Variants in TEAD1 observed in about 807,000 individuals in gnomAD.
TEAD1 encodes TEA domain transcription factor 1, also known as transcriptional enhancer factor TEF-1.
In TEAD1, 9 loss-of-function variants were observed where a neutral mutation model predicts 54.9. The observed-to-expected ratio is 0.16, with a 90% CI of 0.10 to 0.29. The LOEUF (loss-of-function observed/expected upper bound fraction) is 0.29. Among genes scored for constraint, TEAD1 ranks in the 10% least tolerant of loss-of-function variants. The pLI is 1.00. For missense variants in TEAD1, 387 were observed against 535.9 expected, an observed-to-expected ratio of 0.72 and a Z score of 2.74; for synonymous variants, 200 against 187.8, an observed-to-expected ratio of 1.07 and a Z score of -0.53.
chr11:12,894,810 A>G (rs1053299385), intron 9 of TEAD1, among the ~76,000 whole-genome samples: 1 of 152,234 alleles, frequency 6.6e-6, no homozygotes, highest in Non-Finnish European at 1.5e-5. Flanking sequence ...AAGAAACATC[A>G]TGATTCTTCC....
chr11:12,940,456 A>G lies in TEAD1; in HGVS notation c.*3234A>G, dbSNP rs1207888856. ...CAAGATGTTACAGGTCACAATGACC[A>G]CATTTGAAATTGTTTTCCCTTTCAT... On this transcript the variant is annotated 3_prime_UTR_variant, in exon 13 of 13. Transcript: ENST00000527636. 1 of 152,232 alleles carries G rather than the reference A, an allele frequency of 6.6e-6. No homozygotes were observed. The highest frequency in any genetic ancestry group is 1.5e-5 in the Non-Finnish European group (1 of 68,042). The allele number at this position is 152,232 out of a possible 1,614,324, so 9.4% of individuals were successfully genotyped here.
intron 2 of TEAD1, among the ~76,000 whole-genome samples, chr11:12,749,421 C>G: frequency 6.6e-6 from 1 of 152,174 alleles, no homozygotes; most frequent in East Asian, 1.9e-4. Context: ...CTCCGTCCAC[C>G]TTTTTCCCTA....
rs113345520 is a variant in TEAD1, at chr11:12,738,277, A to G, written c.-54-25902A>G. On this transcript the variant is annotated intron_variant, in intron 2 of 12. Coordinates refer to ENST00000527636, the MANE Select transcript of TEAD1 (RefSeq NM_021961.6). ...AAAATGGAGTAGGGGAAGAAAATCA[A>G]TTACTGCCCCGTACCTTCTGAGCTG... Among the ~76,000 whole-genome samples, 343 of 152,294 alleles carry G rather than the reference A, an allele frequency of 2.3e-3. 1 individual carries two copies. Among genetic ancestry groups the G allele is most frequent in the African/African-American group, 7.4e-3 (308 of 41,568 alleles).
chr11:12,937,335 T>C lies in TEAD1; in HGVS notation c.*113T>C. 7.5e-6 allele frequency: 7 copies of C among 929,024 alleles called. No homozygotes were observed. The Admixed American group carries it at 1.6e-4, about 21-fold the overall frequency. The allele number at this position is 929,024 out of a possible 1,614,324, so 57.5% of individuals were successfully genotyped here. On this transcript the variant is annotated 3_prime_UTR_variant, in exon 13 of 13. Transcript: ENST00000527636. ...CTGTAAACCTCACCACACAGGGTGG[T>C]GCCCTGGCCCCGAGGTCACCCCGAC... is the stretch of plus-strand genomic sequence containing the variant.
At chr11:12,689,280 C>A (rs111483016) in intron 2 of TEAD1, among the ~76,000 whole-genome samples, 28 of 152,292 alleles carry the variant, frequency 1.8e-4, no homozygotes, top group Non-Finnish European at 4.4e-5. Flanking sequence ...TGGATTGAAT[C>A]TGTTGGCTTA....
At chr11:12,739,131 T>C (rs2088862537) in intron 2 of TEAD1, among the ~76,000 whole-genome samples, 1 of 152,198 alleles carries the variant, frequency 6.6e-6, no homozygotes, top group Admixed American at 6.5e-5. Context: ...CACTGAGAGT[T>C]ATGTTTAGGT....
intron 3 of TEAD1, among the ~76,000 whole-genome samples, chr11:12,820,399 GA>G (rs1946519781): frequency 7.6e-6 from 1 of 130,886 alleles, no homozygotes; most frequent in South Asian, 2.5e-4. Flanking sequence ...CTCCTGAGAA[GA>G]AAAGCAAAGT....
At chr11:12,822,482 A>G (rs1344787234) in intron 3 of TEAD1, 2 of 152,246 alleles carry the variant, frequency 1.3e-5, no homozygotes, top group Admixed American at 6.5e-5. Context: ...GAGGGCTCAC[A>G]TAATTTATTC....
chr11:12,701,630 G>A (rs1943704233), intron 2 of TEAD1, among the ~76,000 whole-genome samples: 1 of 152,138 alleles, frequency 6.6e-6, no homozygotes, highest in Admixed American at 6.5e-5. Context: ...GCGAGTGTCT[G>A]TGTTGGGTGG....
intron 2 of TEAD1, among the ~76,000 whole-genome samples, chr11:12,739,198 T>TTCTG (rs1554927172): frequency 6.8e-6 from 1 of 146,858 alleles, no homozygotes; most frequent in Non-Finnish European, 1.5e-5. Flanking sequence ...GTCTCATTCT[T>TTCTG]TCTATCTATC....
chr11:12,748,025 G>A (rs898062854), intron 2 of TEAD1, among the ~76,000 whole-genome samples: 11 of 151,258 alleles, frequency 7.3e-5, no homozygotes, highest in Non-Finnish European at 1.2e-4. Context: ...GCAGTGGCGC[G>A]ATCCTGGCTC....
intron 3 of TEAD1, among the ~76,000 whole-genome samples, chr11:12,822,112 C>T (rs1590185126): frequency 6.6e-6 from 1 of 151,914 alleles, no homozygotes; most frequent in South Asian, 2.1e-4. Context: ...TACAGGCACC[C>T]ACCACCATGC....
intron 3 of TEAD1, among the ~76,000 whole-genome samples, chr11:12,812,328 A>G (rs1590175346): frequency 6.6e-6 from 1 of 152,202 alleles, no homozygotes; most frequent in African/African-American, 2.4e-5. Context: ...AGTACATCAT[A>G]GCATGCATGA....
intron 3 of TEAD1, among the ~76,000 whole-genome samples, chr11:12,796,725 CAA>C (rs538261179): frequency 1.5e-5 from 2 of 136,296 alleles, no homozygotes; most frequent in African/African-American, 2.7e-5. Flanking sequence ...GATCCTGACT[CAA>C]AAAAAAAAAA....
intron 3 of TEAD1, among the ~76,000 whole-genome samples, chr11:12,765,590 G>C (rs1945191188): frequency 6.6e-6 from 1 of 152,190 alleles, no homozygotes; most frequent in Non-Finnish European, 1.5e-5. Context: ...CTGCTAAGGA[G>C]AAAGCAGATG....
At position 12,916,996 on chromosome 11, in the gene TEAD1, G is replaced by A. The variant is rs192671537; in HGVS notation, c.874-7916G>A. Among the ~76,000 whole-genome samples the A allele has an allele frequency of 2.0e-5, 3 of 152,308 alleles. No individual in the cohort carries two copies. The East Asian group carries it at 5.8e-4, about 29-fold the overall frequency. ...AGGAGCTCATTTCAACTTAACAGAT[G>A]TAATAGGCAGCATCATGGATCCCCA... On this transcript the variant is annotated intron_variant, in intron 10 of 12. Coordinates refer to ENST00000527636, the MANE Select transcript of TEAD1 (RefSeq NM_021961.6).
At chr11:12,816,532 A>G (rs927625414) in intron 3 of TEAD1, among the ~76,000 whole-genome samples, 2 of 152,118 alleles carry the variant, frequency 1.3e-5, no homozygotes, top group African/African-American at 4.8e-5. Context: ...TTGTTGGCTT[A>G]TTAGGGGCAT....
intron 10 of TEAD1, among the ~76,000 whole-genome samples, chr11:12,907,186 A>C (rs1948535611): frequency 6.6e-6 from 1 of 152,146 alleles, no homozygotes; most frequent in Non-Finnish European, 1.5e-5. Context: ...ATTACAGGGG[A>C]CATCTTAGAT....
rs12270754 is a variant in TEAD1 at position 12,711,832 on chromosome 11, C to G, written c.-55+36271C>G. The stretch of plus-strand genomic sequence containing the variant: ...GCAATGAAGCAAGTGTGGGGTCCCT[C>G]AGGAGGTTCTGCTCCTCTTACAAAG... On this transcript the variant is annotated intron_variant, in intron 2 of 12. Transcript: ENST00000527636. 1.6e-3 allele frequency among the ~76,000 whole-genome samples: 240 copies of G among 152,328 alleles called. 1 individual carries two copies. Among genetic ancestry groups the G allele is most frequent in the African/African-American group, 5.3e-3 (219 of 41,568 alleles).
Sources: gnomAD v4.1 joint callset for allele counts (sites outside exome capture counted in the v4.1 genomes callset) on GRCh38, gnomAD v4.1.1 for gene constraint, MANE v1.5 for transcripts, NCBI Gene and HGNC (gene_info 2026-07-23, HGNC 2026-07-21) for gene names.